MOB3B: variants seen among roughly 807,000 people sequenced by gnomAD.
MOB3B encodes the protein MOB kinase activator-like 2B.
Under a neutral mutation model 18.7 loss-of-function variants are expected in MOB3B, and 7 were observed. That is an observed-to-expected ratio of 0.37 (90% confidence interval 0.21 to 0.70). The LOEUF is 0.70. MOB3B is among the 30% of genes least tolerant of loss of function. MOB3B has a pLI of 0.52. For missense variants in MOB3B, 253 were observed against 281.3 expected (o/e 0.90, Z 0.72); for synonymous variants, 111 against 99.9 (o/e 1.11, Z -0.66).
At chr9:27,342,646 T>C (rs1208438127) in intron 3 of MOB3B, among the ~76,000 whole-genome samples, 1 of 152,176 alleles carries the variant, frequency 6.6e-6, no homozygotes, top group Non-Finnish European at 1.5e-5. Flanking sequence ...TTTGCATTTT[T>C]TGGTGGAGAC....
chr9:27,495,278 C>A (rs1262944991), intron 1 of MOB3B, among the ~76,000 whole-genome samples: 1 of 152,028 alleles, frequency 6.6e-6, no homozygotes, highest in Non-Finnish European at 1.5e-5. Flanking sequence ...CTGCAGTAAG[C>A]CATGATTGTA....
chr9:27,509,636 C>T (rs140078631), intron 1 of MOB3B, among the ~76,000 whole-genome samples: 13,904 of 151,974 alleles, frequency 0.091, 721 homozygotes, highest in Non-Finnish European at 0.11. Flanking sequence ...AGGTTGGTCT[C>T]GAACTCCTGA....
intron 2 of MOB3B, among the ~76,000 whole-genome samples, chr9:27,390,742 GT>G (rs1821716609): frequency 6.6e-6 from 1 of 152,180 alleles, no homozygotes; most frequent in Admixed American, 6.5e-5. Context: ...GAATGTTTGA[GT>G]CCCCCCAAAA....
intron 1 of MOB3B, chr9:27,524,966 A>T: frequency 1.9e-6 from 3 of 1,555,064 alleles, no homozygotes; most frequent in Non-Finnish European, 2.6e-6. Context: ...AATAAGGTAT[A>T]TTTTTGGAAT....
intron 1 of MOB3B, among the ~76,000 whole-genome samples, chr9:27,505,057 A>AT (rs1374140343): frequency 6.6e-6 from 1 of 152,152 alleles, no homozygotes; most frequent in Non-Finnish European, 1.5e-5. Flanking sequence ...ACAATCACCC[A>AT]TCTCAATATC....
At chr9:27,505,863 T>A (rs1429679033) in intron 1 of MOB3B, among the ~76,000 whole-genome samples, 2 of 152,116 alleles carry the variant, frequency 1.3e-5, no homozygotes, top group Non-Finnish European at 2.9e-5. Context: ...GTAGAGCCAT[T>A]TTTTCCCCCT....
intron 3 of MOB3B, among the ~76,000 whole-genome samples, chr9:27,337,195 C>A (rs1307172633): frequency 6.6e-6 from 1 of 152,228 alleles, no homozygotes; most frequent in Non-Finnish European, 1.5e-5. Flanking sequence ...AGTTTCATTC[C>A]CCACAGCAAG....
chr9:27,493,248 C>T (rs1046731915), intron 1 of MOB3B, among the ~76,000 whole-genome samples: 6 of 152,220 alleles, frequency 3.9e-5, no homozygotes, highest in South Asian at 2.1e-4. Flanking sequence ...GACAGAAGAA[C>T]GTGGATTGTG....
chr9:27,372,030 A>ACTCAGCT (rs1409738513), intron 2 of MOB3B, among the ~76,000 whole-genome samples: 1 of 152,218 alleles, frequency 6.6e-6, no homozygotes, highest in Non-Finnish European at 1.5e-5. Context: ...GGAAAGAAAA[A>ACTCAGCT]CACTCTCGTA....
intron 2 of MOB3B, among the ~76,000 whole-genome samples, chr9:27,436,038 G>A (rs905046588): frequency 3.3e-5 from 5 of 149,492 alleles, no homozygotes; most frequent in Admixed American, 7.5e-5. Context: ...GTTTTCTCAC[G>A]TCAGGACCTT....
At chr9:27,369,025 A>G (rs949324357) in intron 2 of MOB3B, among the ~76,000 whole-genome samples, 6 of 152,206 alleles carry the variant, frequency 3.9e-5, no homozygotes, top group African/African-American at 1.4e-4. Context: ...TGACAATAAA[A>G]GCCATTAGAA....
At chr9:27,434,589 G>A (rs1822467201) in intron 2 of MOB3B, among the ~76,000 whole-genome samples, 1 of 151,906 alleles carries the variant, frequency 6.6e-6, no homozygotes, top group African/African-American at 2.4e-5. Context: ...GAATATCTCA[G>A]AGGCACCTCA....
At chr9:27,417,396 C>CAAAG (rs1177552964) in intron 2 of MOB3B, among the ~76,000 whole-genome samples, 2 of 151,838 alleles carry the variant, frequency 1.3e-5, no homozygotes, top group East Asian at 3.9e-4. Context: ...AACAAACAAA[C>CAAAG]AAACAAACAA....
chr9:27,359,595 C>G (rs1488155225), intron 2 of MOB3B, among the ~76,000 whole-genome samples: 5 of 152,210 alleles, frequency 3.3e-5, no homozygotes, highest in African/African-American at 1.2e-4. Context: ...TAAAAAGTAC[C>G]ATGAGTCAAA....
chr9:27,387,949 A>G (rs191313360), intron 2 of MOB3B, among the ~76,000 whole-genome samples: 4 of 146,960 alleles, frequency 2.7e-5, no homozygotes, highest in African/African-American at 1.0e-4. Context: ...TTTGCCCCCC[A>G]CAGGCAACAT....
intron 1 of MOB3B, among the ~76,000 whole-genome samples, chr9:27,505,616 A>G (rs1820046449): frequency 6.6e-6 from 1 of 152,256 alleles, no homozygotes; most frequent in African/African-American, 2.4e-5. Context: ...ACTCTGGCCA[A>G]TGCTGTGCAA....
At chr9:27,355,787 C>T (rs1040649997) in intron 3 of MOB3B, among the ~76,000 whole-genome samples, 3 of 152,078 alleles carry the variant, frequency 2.0e-5, no homozygotes, top group Non-Finnish European at 4.4e-5. Context: ...TGGTCTCGAT[C>T]TCCTGACCTC....
intron 2 of MOB3B, among the ~76,000 whole-genome samples, chr9:27,419,375 T>G (rs75692592): frequency 6.6e-6 from 1 of 152,110 alleles, no homozygotes; most frequent in South Asian, 2.1e-4. Context: ...AGAACAAATC[T>G]GGAGGCATCA....
Position 27,455,377 on chromosome 9 carries a change from G to A in MOB3B, c.174C>T (p.Asp58=). 6.2e-7 allele frequency: 1 copy of A among 1,614,184 alleles called. No homozygotes were observed. Residue 58 remains aspartate (D), a synonymous_variant, in exon 2 of 4, where the codon GAC becomes GAT. Transcript: ENST00000262244. ...VQLPSGEDQN[D]WVAVHVVDFF... ...AGTCCACCACATGTACTGCCACCCA[G>A]TCATTCTGGTCCTCCCCACTGGGCA...
Sources: allele counts gnomAD v4.1 joint callset (sites outside exome capture counted in the v4.1 genomes callset), GRCh38; gene constraint gnomAD v4.1.1; transcripts MANE v1.5; gene names NCBI Gene and HGNC (gene_info 2026-07-23, HGNC 2026-07-21).